Variants in NTM observed in about 807,000 individuals in gnomAD.
NTM encodes the protein IgLON family member 2.
A neutral mutation model predicts 42.1 loss-of-function variants in NTM; 13 were observed. That is an observed-to-expected ratio of 0.31 (90% CI 0.20 to 0.49). The LOEUF (loss-of-function observed/expected upper bound fraction) is 0.49, where lower values mean the gene tolerates loss of function less well. Among genes scored for constraint, NTM ranks in the 20% least tolerant of loss-of-function variants. NTM has a pLI of 0.99. For synonymous variants in NTM, 187 were observed against 179.2 expected (o/e 1.04, Z -0.35); for missense variants, 373 against 452.8 (o/e 0.82, Z 1.60).
At chr11:132,234,942 G>C (rs1321066039) in intron 4 of NTM, among the ~76,000 whole-genome samples, 7 of 152,230 alleles carry the variant, frequency 4.6e-5, no homozygotes, top group Non-Finnish European at 1.0e-4. Context: ...GATATGTTTA[G>C]CTGAAACAGA....
intron 2 of NTM, among the ~76,000 whole-genome samples, chr11:132,084,399 T>C (rs573054446): frequency 6.6e-6 from 1 of 152,306 alleles, no homozygotes; most frequent in African/African-American, 2.4e-5. Context: ...TATTATTTAC[T>C]AAAATATAAC....
intron 2 of NTM, among the ~76,000 whole-genome samples, chr11:131,993,434 G>A (rs2067381306): frequency 1.3e-5 from 2 of 152,142 alleles, no homozygotes. Flanking sequence ...GGAGAAATGG[G>A]ACTTGTAGTA....
At chr11:131,654,998 G>T (rs889604368) in intron 1 of NTM, among the ~76,000 whole-genome samples, 1 of 152,164 alleles carries the variant, frequency 6.6e-6, no homozygotes, top group African/African-American at 2.4e-5. Flanking sequence ...AATCGGAAAT[G>T]CTGGGCCTGG....
chr11:132,223,507 A>C (rs1175541488), intron 4 of NTM, among the ~76,000 whole-genome samples: 1 of 152,158 alleles, frequency 6.6e-6, no homozygotes, highest in Non-Finnish European at 1.5e-5. Flanking sequence ...CCCAGCCGGC[A>C]CGCTCACAGA....
intron 2 of NTM, among the ~76,000 whole-genome samples, chr11:132,101,236 C>T (rs1051819130): frequency 2.6e-5 from 4 of 152,088 alleles, no homozygotes; most frequent in Non-Finnish European, 2.9e-5. Flanking sequence ...TGTGTTCCAC[C>T]GCAGAGAGGC....
chr11:131,976,155 C>CCTTCCTTT (rs1213756942), intron 2 of NTM, among the ~76,000 whole-genome samples: 1 of 129,936 alleles, frequency 7.7e-6, no homozygotes, highest in Non-Finnish European at 1.6e-5. Flanking sequence ...TTCCTTCCTT[C>CCTTCCTTT]CTTTCTTCCT....
chr11:131,881,105 C>T (rs1180116747), intron 1 of NTM, among the ~76,000 whole-genome samples: 1 of 152,140 alleles, frequency 6.6e-6, no homozygotes, highest in Non-Finnish European at 1.5e-5. Context: ...CACAAATGTC[C>T]ATAGTTTCCA....
intron 2 of NTM, among the ~76,000 whole-genome samples, chr11:132,069,539 G>T (rs1461791046): frequency 6.7e-6 from 1 of 148,282 alleles, no homozygotes; most frequent in Admixed American, 6.7e-5. Context: ...TAGTTAACAC[G>T]TCACCCAGCC....
At chr11:132,194,566 A>G (rs2079867797) in intron 3 of NTM, among the ~76,000 whole-genome samples, 1 of 152,152 alleles carries the variant, frequency 6.6e-6, no homozygotes, top group Non-Finnish European at 1.5e-5. Flanking sequence ...CAAGGCAATT[A>G]TTACCACTCT....
chr11:132,240,794 G>A (rs1026853397), intron 4 of NTM, among the ~76,000 whole-genome samples: 3 of 152,188 alleles, frequency 2.0e-5, no homozygotes, highest in African/African-American at 7.2e-5. Flanking sequence ...AGTAAAATGC[G>A]CTTTGGCATA....
At chr11:131,911,042 G>T in intron 1 of NTM, 1 of 1,049,162 alleles carries the variant, frequency 9.5e-7, no homozygotes, top group Non-Finnish European at 1.2e-6. Context: ...CGAACTGAGG[G>T]ACTGCAGACC....
At chr11:131,747,411 C>A (rs2081956341) in intron 1 of NTM, among the ~76,000 whole-genome samples, 1 of 152,166 alleles carries the variant, frequency 6.6e-6, no homozygotes, top group African/African-American at 2.4e-5. Context: ...TCTCCTAAAT[C>A]TTTCTCCCAT....
chr11:131,952,416 C>A (rs953863931), intron 2 of NTM, among the ~76,000 whole-genome samples: 1 of 152,196 alleles, frequency 6.6e-6, no homozygotes, highest in African/African-American at 2.4e-5. Flanking sequence ...TATGTACATG[C>A]ACGTATGTAT....
intron 2 of NTM, among the ~76,000 whole-genome samples, chr11:132,023,104 TTTGA>T (rs1369815954): frequency 6.6e-6 from 1 of 152,134 alleles, no homozygotes; most frequent in African/African-American, 2.4e-5. Flanking sequence ...AAAATTTTAC[TTTGA>T]TTAGGAGGCT....
intron 2 of NTM, among the ~76,000 whole-genome samples, chr11:132,111,512 G>A (rs780750463): frequency 2.6e-4 from 40 of 152,130 alleles, no homozygotes; most frequent in Non-Finnish European, 1.2e-4. Flanking sequence ...ACAAGGGTAA[G>A]CATCAGGCAT....
chr11:131,869,624 A>C (rs1423865709), intron 1 of NTM, among the ~76,000 whole-genome samples: 3 of 152,204 alleles, frequency 2.0e-5, no homozygotes, highest in Non-Finnish European at 1.5e-5. Flanking sequence ...ATTTTATTTT[A>C]TTCTTAGGAG....
intron 2 of NTM, among the ~76,000 whole-genome samples, chr11:132,053,564 G>A (rs1316032243): frequency 2.0e-5 from 3 of 152,190 alleles, no homozygotes; most frequent in African/African-American, 7.2e-5. Context: ...TTGGATTGGG[G>A]AATGTAGAGG....
intron 1 of NTM, among the ~76,000 whole-genome samples, chr11:131,723,980 G>A (rs78323256): frequency 1.5e-3 from 232 of 152,366 alleles, no homozygotes; most frequent in African/African-American, 5.4e-3. Context: ...TCATGGTCAT[G>A]TGAAGTTTCA....
At chr11:132,072,337 G>T (rs1237432691) in intron 2 of NTM, among the ~76,000 whole-genome samples, 1 of 152,210 alleles carries the variant, frequency 6.6e-6, no homozygotes, top group African/African-American at 2.4e-5. Flanking sequence ...CCGTAGGGAA[G>T]TAGGGAGGGG....
Sources: allele counts gnomAD v4.1 joint callset (sites outside exome capture counted in the v4.1 genomes callset), GRCh38; gene constraint gnomAD v4.1.1; transcripts MANE v1.5; gene names NCBI Gene and HGNC (gene_info 2026-07-23, HGNC 2026-07-21).